AUTS2: variants seen among roughly 807,000 people sequenced by gnomAD.
The protein encoded by AUTS2 is autism susceptibility gene 2 protein.
A neutral mutation model predicts 112.4 loss-of-function variants in AUTS2; 17 were observed. That is an observed-to-expected ratio of 0.15 (90% CI 0.10 to 0.23). The LOEUF (loss-of-function observed/expected upper bound fraction) is 0.23. Among genes scored for constraint, AUTS2 ranks in the 10% least tolerant of loss-of-function variants. The pLI, the probability that AUTS2 is intolerant of heterozygous loss-of-function variation, is 1.00. For synonymous variants in AUTS2, 751 were observed against 702.7 expected, an observed-to-expected ratio of 1.07 and a Z score of -1.09; for missense variants, 1,510 against 1,701.6, an observed-to-expected ratio of 0.89 and a Z score of 1.98.
chr7:69,872,627 A>C (rs1793548210), intron 1 of AUTS2, among the ~76,000 whole-genome samples: 1 of 152,016 alleles, frequency 6.6e-6, no homozygotes. Context: ...CTCCTGAGAA[A>C]GTAGGCCTCC....
At position 70,152,042 on chromosome 7, in the gene AUTS2, A is replaced by C. The variant is rs147173060; in HGVS notation, c.660+17471A>C. Reference sequence around the variant, plus strand: ...ATGTAAATACTACAAGGTATGAAATAAAAAATATATTATATGGGATTAACA... The same window carrying C: ...ATGTAAATACTACAAGGTATGAAATCAAAAATATATTATATGGGATTAACA... On this transcript the variant is annotated intron_variant, in intron 4 of 18. Transcript: ENST00000342771. Among the ~76,000 whole-genome samples the C allele has an allele frequency of 1.6e-3, 241 of 152,328 alleles. 1 individual carries two copies. The highest frequency in any genetic ancestry group is 4.9e-3 in the African/African-American group (204 of 41,580).
chr7:69,886,697 A>G (rs1794287497), intron 1 of AUTS2, among the ~76,000 whole-genome samples: 1 of 151,978 alleles, frequency 6.6e-6, no homozygotes, highest in Non-Finnish European at 1.5e-5. Context: ...AGAACAATGC[A>G]ACCAACCTTA....
chr7:70,250,720 T>C (rs13238017), intron 4 of AUTS2, among the ~76,000 whole-genome samples: 33,151 of 151,912 alleles, frequency 0.22, 3,597 homozygotes, highest in Middle Eastern at 0.33. Context: ...GCAGCAACAT[T>C]GACAGAGGTA....
chr7:70,450,699 G>A (rs1464795996), intron 5 of AUTS2, among the ~76,000 whole-genome samples: 1 of 152,184 alleles, frequency 6.6e-6, no homozygotes, highest in Admixed American at 6.5e-5. Context: ...TTTGGAGGAG[G>A]ATTCAGGCAG....
intron 4 of AUTS2, among the ~76,000 whole-genome samples, chr7:70,318,255 C>T (rs1471671987): frequency 3.3e-5 from 5 of 151,720 alleles, no homozygotes; most frequent in Non-Finnish European, 5.9e-5. Flanking sequence ...GAGTGTAGGA[C>T]AGAAATGGAT....
At chr7:70,465,577 G>A (rs998678079) in intron 5 of AUTS2, among the ~76,000 whole-genome samples, 2 of 152,170 alleles carry the variant, frequency 1.3e-5, no homozygotes, top group African/African-American at 4.8e-5. Context: ...CAATGAGGGA[G>A]AGAATTGGGG....
intron 4 of AUTS2, among the ~76,000 whole-genome samples, chr7:70,363,893 C>A (rs767905858): frequency 3.3e-5 from 5 of 152,180 alleles, no homozygotes; most frequent in Non-Finnish European, 7.4e-5. Flanking sequence ...TGTTAATTAG[C>A]TAGCTAGCTT....
chr7:70,450,856 G>T (rs778877058), intron 5 of AUTS2, among the ~76,000 whole-genome samples: 1 of 152,130 alleles, frequency 6.6e-6, no homozygotes, highest in Non-Finnish European at 1.5e-5. Flanking sequence ...CCACTGGGAA[G>T]GGGGGTCAAG....
intron 1 of AUTS2, among the ~76,000 whole-genome samples, chr7:69,675,187 C>G (rs1369951314): frequency 2.0e-5 from 3 of 152,258 alleles, no homozygotes; most frequent in African/African-American, 7.2e-5. Flanking sequence ...TTTAAATAGC[C>G]TAAGTGTGAG....
rs554516984 is a variant in AUTS2, at chr7:70,225,295, G to A, written c.660+90724G>A. On this transcript the variant is annotated intron_variant, in intron 4 of 18. Coordinates refer to ENST00000342771, the MANE Select transcript of AUTS2 (RefSeq NM_015570.4). ...TCCCTTCCTCATTTTCTGCAGAACAGTTTTTAAAAGTTAATTTAGGAAATC... is the reference window on the plus strand; with the variant it reads ...TCCCTTCCTCATTTTCTGCAGAACAATTTTTAAAAGTTAATTTAGGAAATC... Among the ~76,000 whole-genome samples, 3 of 152,262 alleles carry A rather than the reference G, an allele frequency of 2.0e-5. No homozygotes were observed. In the South Asian group the frequency reaches 6.2e-4, roughly 32 times the overall value.
chr7:70,678,748 T>G (rs1808057095), intron 5 of AUTS2, among the ~76,000 whole-genome samples: 1 of 152,178 alleles, frequency 6.6e-6, no homozygotes, highest in Non-Finnish European at 1.5e-5. Context: ...CCTTTTTCCC[T>G]TAGTCTAAAT....
At chr7:70,197,190 C>T (rs1030002320) in intron 4 of AUTS2, among the ~76,000 whole-genome samples, 11 of 151,972 alleles carry the variant, frequency 7.2e-5, no homozygotes, top group Non-Finnish European at 1.5e-4. Context: ...AACAACTAAG[C>T]CTCTACTTTG....
intron 2 of AUTS2, among the ~76,000 whole-genome samples, chr7:70,008,811 T>C (rs1254069935): frequency 2.6e-5 from 4 of 152,234 alleles, no homozygotes; most frequent in African/African-American, 9.6e-5. Context: ...TTGTGAAATC[T>C]ATATAAACAT....
At chr7:69,959,330 CTCAT>C (rs1402960283) in intron 2 of AUTS2, among the ~76,000 whole-genome samples, 1 of 152,164 alleles carries the variant, frequency 6.6e-6, no homozygotes, top group African/African-American at 2.4e-5. Flanking sequence ...ACAGAATACT[CTCAT>C]TCAGTTCTCT....
intron 1 of AUTS2, among the ~76,000 whole-genome samples, chr7:69,859,920 G>A (rs1028136621): frequency 2.0e-5 from 3 of 152,174 alleles, no homozygotes; most frequent in African/African-American, 7.2e-5. Context: ...AAACTCACAT[G>A]TTCCTGGGGT....
chr7:70,226,003 A>G (rs1811744212), intron 4 of AUTS2, among the ~76,000 whole-genome samples: 1 of 152,230 alleles, frequency 6.6e-6, no homozygotes, highest in South Asian at 2.1e-4. Context: ...AAATGGAAGT[A>G]TTTTAATTAA....
rs578137788 is a variant in AUTS2, at chr7:70,136,682, A to G, written c.660+2111A>G. 2.0e-5 allele frequency among the ~76,000 whole-genome samples: 3 copies of G among 152,316 alleles called. No individual in the cohort carries two copies. In the South Asian group the frequency reaches 6.2e-4, roughly 32 times the overall value. On this transcript the variant is annotated intron_variant, in intron 4 of 18. Coordinates refer to ENST00000342771, the MANE Select transcript of AUTS2 (RefSeq NM_015570.4). Reference sequence around the variant, plus strand: ...AGTGAAATGGTAATTTTTCAAGTCTATCCTTACTCCTCTTCAGCATGTCTT... The same window carrying G: ...AGTGAAATGGTAATTTTTCAAGTCTGTCCTTACTCCTCTTCAGCATGTCTT...
At chr7:70,157,453 A>G (rs1807841501) in intron 4 of AUTS2, among the ~76,000 whole-genome samples, 3 of 151,488 alleles carry the variant, frequency 2.0e-5, no homozygotes, top group Admixed American at 1.3e-4. Context: ...CTAATTTTTT[A>G]TTGTTTTATT....
In AUTS2 at chr7:69,876,511, TA is replaced by T. The variant is rs1793801636; in HGVS notation, c.310-22774del. On this transcript the variant is annotated intron_variant, in intron 1 of 18. Coordinates refer to ENST00000342771, the MANE Select transcript of AUTS2 (RefSeq NM_015570.4). ...ATATATATATATATATATATATATA[TA>T]TATATATATATATATATATATATAT... 1.7e-4 allele frequency among the ~76,000 whole-genome samples: 8 copies of T among 45,824 alleles called. 2 individuals carry two copies. The South Asian group carries it at 4.9e-3, about 28-fold the overall frequency. 30.1% of individuals were successfully genotyped at this position (45,824 alleles called of 152,430 possible). A position where few individuals can be genotyped will look rare whatever the true frequency, so the allele number is the denominator to read the frequency against.
Sources: gnomAD v4.1 joint callset for allele counts (sites outside exome capture counted in the v4.1 genomes callset) on GRCh38, gnomAD v4.1.1 for gene constraint, MANE v1.5 for transcripts, NCBI Gene and HGNC (gene_info 2026-07-23, HGNC 2026-07-21) for gene names.